Variants in CAMK1D observed in about 807,000 individuals in gnomAD.
The protein encoded by CAMK1D is calcium/calmodulin dependent protein kinase ID, also known as calcium/calmodulin-dependent protein kinase type 1D.
CAMK1D carries 9 observed loss-of-function variants against 47.7 expected under a neutral mutation model. The ratio of observed to expected loss-of-function variants is 0.19; its 90% CI spans 0.11 to 0.33. The LOEUF (loss-of-function observed/expected upper bound fraction) is 0.33. Among genes scored for constraint, CAMK1D ranks in the 10% least tolerant of loss-of-function variants. CAMK1D has a pLI of 1.00. For synonymous variants in CAMK1D, 184 were observed against 184.9 expected (o/e 0.99, Z 0.04); for missense variants, 291 against 488.7 (o/e 0.60, Z 3.81).
intron 3 of CAMK1D, among the ~76,000 whole-genome samples, chr10:12,670,303 T>C (rs1298139602): frequency 6.6e-6 from 1 of 152,116 alleles, no homozygotes; most frequent in Non-Finnish European, 1.5e-5. Flanking sequence ...TATGCCCCGA[T>C]TGGCCACTTG....
chr10:12,623,051 CCCT>C (rs1839049208), intron 2 of CAMK1D, among the ~76,000 whole-genome samples: 1 of 128,856 alleles, frequency 7.8e-6, no homozygotes, highest in African/African-American at 2.9e-5. Flanking sequence ...TTCCCTCCCT[CCCT>C]CCCTCCCTCC....
intron 2 of CAMK1D, among the ~76,000 whole-genome samples, chr10:12,611,334 C>T (rs542956928): frequency 1.2e-4 from 19 of 152,268 alleles, no homozygotes; most frequent in African/African-American, 2.6e-4. Flanking sequence ...CCTAGAGCCT[C>T]GAAGTGCCCC....
chr10:12,670,000 G>T (rs1251909833), intron 3 of CAMK1D, among the ~76,000 whole-genome samples: 1 of 152,034 alleles, frequency 6.6e-6, no homozygotes, highest in Non-Finnish European at 1.5e-5. Context: ...TTCACGTACA[G>T]GTCTTTGTGT....
chr10:12,766,275 C>T (rs1348353562), intron 4 of CAMK1D, among the ~76,000 whole-genome samples: 1 of 149,136 alleles, frequency 6.7e-6, no homozygotes, highest in Non-Finnish European at 1.5e-5. Flanking sequence ...CCTCCCCCAG[C>T]CCTGGCCCCG....
chr10:12,734,369 TATATATATAGATATAGATATAG>T (rs1835051440), intron 3 of CAMK1D, among the ~76,000 whole-genome samples: 1 of 10,178 alleles, frequency 9.8e-5, no homozygotes, highest in African/African-American at 3.5e-4. Flanking sequence ...TATATATATA[TATATATATAGATATAGATATAG>T]ATATATATAT....
intron 1 of CAMK1D, among the ~76,000 whole-genome samples, chr10:12,422,741 C>T (rs973473171): frequency 2.0e-4 from 31 of 151,770 alleles, no homozygotes; most frequent in African/African-American, 6.5e-4. Flanking sequence ...GGCATAATCT[C>T]GGCTCACTGC....
intron 1 of CAMK1D, among the ~76,000 whole-genome samples, chr10:12,387,566 G>T (rs1290320647): frequency 2.0e-5 from 3 of 146,956 alleles, no homozygotes; most frequent in Non-Finnish European, 4.5e-5. Context: ...GAGTGCAGTG[G>T]TGCAATCTCG....
chr10:12,497,880 T>C (rs1834589169), intron 1 of CAMK1D, among the ~76,000 whole-genome samples: 4 of 152,136 alleles, frequency 2.6e-5, no homozygotes, highest in Admixed American at 2.6e-4. Flanking sequence ...GACTAGAGAA[T>C]TTATAAGAGG....
intron 4 of CAMK1D, among the ~76,000 whole-genome samples, chr10:12,768,721 T>C (rs920649738): frequency 2.0e-4 from 29 of 143,364 alleles, no homozygotes; most frequent in African/African-American, 7.0e-4. Context: ...AAAAAAAAAA[T>C]GCAGGCTCCT....
At chr10:12,703,417 T>G (rs1833603689) in intron 3 of CAMK1D, among the ~76,000 whole-genome samples, 1 of 151,998 alleles carries the variant, frequency 6.6e-6, no homozygotes, top group Non-Finnish European at 1.5e-5. Flanking sequence ...GCCATGGGAG[T>G]CCAGTCCCAC....
At chr10:12,375,314 G>T (rs1838144551) in intron 1 of CAMK1D, among the ~76,000 whole-genome samples, 1 of 152,184 alleles carries the variant, frequency 6.6e-6, no homozygotes, top group Non-Finnish European at 1.5e-5. Context: ...AAATGTTTTT[G>T]TTACTGATAA....
intron 1 of CAMK1D, among the ~76,000 whole-genome samples, chr10:12,534,946 T>A (rs1339154189): frequency 6.6e-6 from 1 of 152,204 alleles, no homozygotes; most frequent in Non-Finnish European, 1.5e-5. Context: ...CCCAGTCTTG[T>A]GGCCACAGAT....
At chr10:12,703,553 T>C (rs1350552737) in intron 3 of CAMK1D, among the ~76,000 whole-genome samples, 1 of 152,184 alleles carries the variant, frequency 6.6e-6, no homozygotes, top group African/African-American at 2.4e-5. Context: ...ACCTTTCATA[T>C]GTCGCCCAGA....
Position 12,578,558 on chromosome 10 carries a change from T to A in CAMK1D, c.224+25202T>A, listed in dbSNP as rs2648705. On this transcript the variant is annotated intron_variant, in intron 2 of 10. Transcript: ENST00000619168. ...GCACTCCAGCCTGGGCAACAAGAGC[T>A]AAACTCCATCTCAAAAAAAAAAAAA... 2.2e-5 allele frequency among the ~76,000 whole-genome samples: 3 copies of A among 137,908 alleles called. No homozygotes were observed. The Admixed American group carries it at 2.2e-4, about 10-fold the overall frequency. 90.5% of individuals were successfully genotyped at this position (137,908 alleles called of 152,430 possible). A position where few individuals can be genotyped will look rare whatever the true frequency, so the allele number is the denominator to read the frequency against.
chr10:12,544,647 T>C (rs1294921837), intron 1 of CAMK1D, among the ~76,000 whole-genome samples: 2 of 152,254 alleles, frequency 1.3e-5, no homozygotes, highest in South Asian at 2.1e-4. Flanking sequence ...CAGGCTTGCA[T>C]TGAAACTTAA....
At chr10:12,481,010 AG>A (rs1157609751) in intron 1 of CAMK1D, among the ~76,000 whole-genome samples, 2 of 152,192 alleles carry the variant, frequency 1.3e-5, no homozygotes, top group Non-Finnish European at 2.9e-5. Context: ...TTTAGTTTAT[AG>A]TTTAAATGAT....
At chr10:12,366,144 A>G (rs760881992) in intron 1 of CAMK1D, among the ~76,000 whole-genome samples, 9 of 152,248 alleles carry the variant, frequency 5.9e-5, no homozygotes, top group Non-Finnish European at 1.2e-4. Flanking sequence ...TTCCTGTAGA[A>G]GTTGGGTCAT....
At chr10:12,350,878 A>G (rs1258721040) in intron 1 of CAMK1D, among the ~76,000 whole-genome samples, 1 of 152,228 alleles carries the variant, frequency 6.6e-6, no homozygotes, top group Non-Finnish European at 1.5e-5. Context: ...ACAGGTGTGC[A>G]GTCAGAAATG....
chr10:12,510,981 C>A (rs189910719), intron 1 of CAMK1D, among the ~76,000 whole-genome samples: 5 of 152,216 alleles, frequency 3.3e-5, no homozygotes. Flanking sequence ...GCAAAAGACT[C>A]AGATTCTCAA....
Sources: allele counts gnomAD v4.1 joint callset (sites outside exome capture counted in the v4.1 genomes callset), GRCh38; gene constraint gnomAD v4.1.1; transcripts MANE v1.5; gene names NCBI Gene and HGNC (gene_info 2026-07-23, HGNC 2026-07-21).